SLC17A3: variants seen among roughly 807,000 people sequenced by gnomAD.
SLC17A3 encodes the protein sodium-dependent phosphate transport protein 4.
Under a neutral mutation model 60.3 loss-of-function variants are expected in SLC17A3, and 61 were observed. The ratio of observed to expected loss-of-function variants is 1.01; its 90% CI spans 0.82 to 1.25. The LOEUF (loss-of-function observed/expected upper bound fraction) is 1.25. Ranked by LOEUF, SLC17A3 falls within the 50% of genes most tolerant of loss-of-function variation. SLC17A3 has a pLI of 0.00. For missense variants in SLC17A3, 624 were observed against 594.9 expected (o/e 1.05, Z -0.51); for synonymous variants, 192 against 208.9 (o/e 0.92, Z 0.70).
In SLC17A3 at chr6:25,849,944, G is replaced by A. The variant is rs764178290; in HGVS notation, c.1132C>T (p.Pro378Ser). The A allele has an allele frequency of 1.2e-6, 2 of 1,613,980 alleles. No homozygotes were observed. Among genetic ancestry groups the A allele is most frequent in the Non-Finnish European group, 1.7e-6 (2 of 1,179,864 alleles). The change falls in exon 10 of 13, where the codon CCC (proline) becomes TCC (serine). Residue 378 changes from proline to serine, a missense_variant. By Grantham distance (74) the Pro-to-Ser change is moderately conservative (BLOSUM62 -1). Coordinates refer to ENST00000397060, the MANE Select transcript of SLC17A3 (RefSeq NM_001098486.2). ...RKIATILGSLPSSALIVSLPY... is the reference protein window; with the variant it reads ...RKIATILGSLSSSALIVSLPY... ...AGAGACACAATGAGTGCTGAAGAGG[G>A]GAGACTTCCTAGGAAATGAAGAAGA...
chr6:25,862,701 C>T (rs571682993), intron 2 of SLC17A3, among the ~76,000 whole-genome samples: 14 of 151,288 alleles, frequency 9.3e-5, no homozygotes, highest in African/African-American at 3.4e-4. Context: ...ATCTACCATT[C>T]CTAGGTCATT....
At chr6:25,872,583 C>CATAT (rs3034382) in intron 1 of SLC17A3, among the ~76,000 whole-genome samples, 94 of 146,342 alleles carry the variant, frequency 6.4e-4, no homozygotes, top group Non-Finnish European at 9.0e-4. Flanking sequence ...ATATTTTATA[C>CATAT]ATATATATAT....
rs765414696 is a variant in SLC17A3 at position 25,845,481 on chromosome 6, CAAG to C, written c.1395_1397del (p.Phe465del). 32 of 1,613,910 alleles carry C rather than the reference CAAG, an allele frequency of 2.0e-5. No homozygotes were observed. The East Asian group carries it at 3.1e-4, about 16-fold the overall frequency. ...GTCCTAACAGGTTAACGGCAAACAGCAAGAAGAAGACATTCCTCCACCCAAACT... is the reference window on the plus strand; with the variant it reads ...GTCCTAACAGGTTAACGGCAAACAGCAAGAAGACATTCCTCCACCCAAACT... On this transcript the variant is annotated inframe_deletion, in exon 12 of 13. Transcript: ENST00000397060.
At position 25,861,870 on chromosome 6, in the gene SLC17A3, G is replaced by A; in HGVS notation, c.463C>T (p.Leu155=). 1 of 1,613,406 alleles carries A rather than the reference G, an allele frequency of 6.2e-7. No homozygotes were observed. Among genetic ancestry groups the A allele is most frequent in the South Asian group, 1.1e-5 (1 of 90,992 alleles). The change falls in exon 4 of 13, where the codon CTA becomes TTA. Residue 155 remains leucine (L), a synonymous_variant. Coordinates refer to ENST00000397060, the MANE Select transcript of SLC17A3 (RefSeq NM_001098486.2). ...AAGTCAGTGGCCAGAGGGATGCATA[G>A]AGTGAGAAATGAAGTTGCAAACAAA... ...ISLFATSFLT[L]CIPLATDFGI...
At chr6:25,865,215 G>T (rs1018960179) in intron 2 of SLC17A3, among the ~76,000 whole-genome samples, 28 of 151,952 alleles carry the variant, frequency 1.8e-4, no homozygotes, top group African/African-American at 6.5e-4. Flanking sequence ...TTTTGTCCAA[G>T]ATGATTCCAT....
chr6:25,857,356 T>C (rs1765374301), intron 5 of SLC17A3, among the ~76,000 whole-genome samples: 2 of 152,164 alleles, frequency 1.3e-5, no homozygotes, highest in African/African-American at 4.8e-5. Context: ...TAATTTTGCC[T>C]TAATTTACAG....
intron 2 of SLC17A3, among the ~76,000 whole-genome samples, chr6:25,865,919 T>G (rs1765526503): frequency 6.6e-6 from 1 of 152,018 alleles, no homozygotes; most frequent in Non-Finnish European, 1.5e-5. Flanking sequence ...ACTGACACCA[T>G]GAAATCATAG....
chr6:25,861,188 C>T (rs977402285), intron 5 of SLC17A3, among the ~76,000 whole-genome samples: 8 of 152,190 alleles, frequency 5.3e-5, no homozygotes, highest in Non-Finnish European at 1.0e-4. Context: ...GTTCTCAGGA[C>T]AATTGAGAGC....
intron 6 of SLC17A3, among the ~76,000 whole-genome samples, chr6:25,853,353 A>G (rs1019510911): frequency 3.3e-5 from 5 of 149,784 alleles, no homozygotes; most frequent in African/African-American, 4.9e-5. Flanking sequence ...CAAATAACCA[A>G]TTGTAAATTG....
At chr6:25,857,823 A>G (rs1765383447) in intron 5 of SLC17A3, among the ~76,000 whole-genome samples, 1 of 152,112 alleles carries the variant, frequency 6.6e-6, no homozygotes, top group Admixed American at 6.5e-5. Flanking sequence ...CTTTGCTTTG[A>G]CTATAATGGG....
At chr6:25,863,318 G>T (rs865774895) in intron 2 of SLC17A3, among the ~76,000 whole-genome samples, 8 of 152,086 alleles carry the variant, frequency 5.3e-5, no homozygotes, top group Non-Finnish European at 7.4e-5. Context: ...TTCTTAAAAA[G>T]TCTTGCAACA....
Position 25,871,350 on chromosome 6 carries a change from G to A in SLC17A3, c.-34+2817C>T, listed in dbSNP as rs943635085. Among the ~76,000 whole-genome samples, 3 of 151,960 alleles carry A rather than the reference G, an allele frequency of 2.0e-5. No individual in the cohort carries two copies. In the East Asian group the frequency reaches 5.8e-4, roughly 29 times the overall value. ...TCATGTCCTTTGTAGGGACATGGATGAAGCTGGAAACCATCATTCTCAGCA... is the reference window on the plus strand; with the variant it reads ...TCATGTCCTTTGTAGGGACATGGATAAAGCTGGAAACCATCATTCTCAGCA... On this transcript the variant is annotated intron_variant, in intron 1 of 12. Coordinates refer to ENST00000397060, the MANE Select transcript of SLC17A3 (RefSeq NM_001098486.2).
chr6:25,865,042 A>G (rs1054052748), intron 2 of SLC17A3, among the ~76,000 whole-genome samples: 3 of 151,948 alleles, frequency 2.0e-5, no homozygotes, highest in African/African-American at 7.2e-5. Context: ...AATGTCTGTG[A>G]TAGGTCATGT....
Position 25,851,411 on chromosome 6 carries a change from A to C in SLC17A3, c.713-534T>G, listed in dbSNP as rs375684351. Among the ~76,000 whole-genome samples the C allele has an allele frequency of 9.2e-5, 14 of 152,266 alleles. No individual in the cohort carries two copies. In the East Asian group the frequency reaches 2.5e-3, roughly 27 times the overall value. Reference sequence around the variant, plus strand: ...GAGGATATATTTCTAACTTTGATGAAATCCAATTTATCAATTAATTTTATG... The same window carrying C: ...GAGGATATATTTCTAACTTTGATGACATCCAATTTATCAATTAATTTTATG... On this transcript the variant is annotated intron_variant, in intron 6 of 12. Transcript: ENST00000397060.
Position 25,850,591 on chromosome 6 carries a change from G to C in SLC17A3, c.861C>G (p.Ile287Met), listed in dbSNP as rs771615370. Reference protein sequence around the residue: ...QVGSSKQPLPIKAMLRSLPIW... With the variant: ...QVGSSKQPLPMKAMLRSLPIW... ...TGGGTAGAGATCTGAGCATAGCTTT[G>C]ATGGGAAGAGGCTGCTTAGAAGACC... Residue 287 changes from isoleucine to methionine, a missense_variant, in exon 8 of 13, where the codon ATC (isoleucine) becomes ATG (methionine). Coordinates refer to ENST00000397060, the MANE Select transcript of SLC17A3 (RefSeq NM_001098486.2). 6.2e-7 allele frequency: 1 copy of C among 1,613,896 alleles called. No individual in the cohort carries two copies. The highest frequency in any genetic ancestry group is 8.5e-7 in the Non-Finnish European group (1 of 1,179,946).
Position 25,861,654 on chromosome 6 carries a change from G to A in SLC17A3, c.595C>T (p.Arg199Ter), listed in dbSNP as rs754494201. Residue 199 changes from arginine to a stop codon, truncating the protein, a stop_gained, in exon 5 of 13, where the codon CGA becomes TGA. Coordinates refer to ENST00000397060, the MANE Select transcript of SLC17A3 (RefSeq NM_001098486.2). LOFTEE classifies it high-confidence loss of function. ...IWEKWGPPQE[R>*]SRLCSIALSG... Reference sequence around the variant, plus strand: ...AAAGCAATGCTGCAGAGTCTGCTTCGTTCTTGTGGAGGGCCCCACTTTTCC... The same window carrying A: ...AAAGCAATGCTGCAGAGTCTGCTTCATTCTTGTGGAGGGCCCCACTTTTCC... The A allele has an allele frequency of 2.2e-4, 360 of 1,613,838 alleles. No individual in the cohort carries two copies. The highest frequency in any genetic ancestry group is 5.1e-4 in the South Asian group (46 of 91,080).
chr6:25,865,631 G>C (rs1027783001), intron 2 of SLC17A3, among the ~76,000 whole-genome samples: 18 of 152,004 alleles, frequency 1.2e-4, no homozygotes, highest in African/African-American at 3.9e-4. Context: ...ATTAACTAGA[G>C]AGTGTATTTA....
Position 25,855,249 on chromosome 6 carries a change from T to C in SLC17A3, c.626-19A>G. 1.3e-6 allele frequency: 2 copies of C among 1,572,234 alleles called. No homozygotes were observed. Among genetic ancestry groups the C allele is most frequent in the Non-Finnish European group, 1.8e-6 (2 of 1,142,610 alleles). ...AACATTCCTGCAAAGAGAGAGAAAG[T>C]AAGCTGTGGGACTCTAGACTTCTAC... On this transcript the variant is annotated intron_variant, in intron 5 of 12. Transcript: ENST00000397060.
At chr6:25,846,802 G>A (rs902944915) in intron 11 of SLC17A3, among the ~76,000 whole-genome samples, 1 of 151,952 alleles carries the variant, frequency 6.6e-6, no homozygotes, top group African/African-American at 2.4e-5. Flanking sequence ...TAGTAGAGAC[G>A]GGGTTTCACC....
Sources: gnomAD v4.1 joint callset for allele counts (sites outside exome capture counted in the v4.1 genomes callset) on GRCh38, gnomAD v4.1.1 for gene constraint, MANE v1.5 for transcripts, NCBI Gene and HGNC (gene_info 2026-07-23, HGNC 2026-07-21) for gene names.